The following NPHS2 variants were observed in gnomAD, a reference collection of about 807,000 sequenced individuals.
NPHS2 encodes podocin.
Under a neutral mutation model 37.1 loss-of-function variants are expected in NPHS2, and 36 were observed. The observed-to-expected ratio is 0.97, with a 90% CI of 0.74 to 1.28. NPHS2 has a LOEUF of 1.28. Among genes scored for constraint, NPHS2 ranks in the 50% most tolerant of loss-of-function variants. NPHS2 has a pLI of 0.00. For synonymous variants in NPHS2, 196 were observed against 189.3 expected (o/e 1.04, Z -0.29); for missense variants, 447 against 488.1 (o/e 0.92, Z 0.79).
chr1:179,568,203 G>C (rs10913819), intron 1 of NPHS2, among the ~76,000 whole-genome samples: 39,077 of 151,978 alleles, frequency 0.26, 6,451 homozygotes, highest in African/African-American at 0.47. Flanking sequence ...TTGGTTGGTA[G>C]GCTATTATTT....
chr1:179,564,779 C>T lies in NPHS2; in HGVS notation c.289G>A (p.Gly97Ser), dbSNP rs200913299. The T allele has an allele frequency of 6.8e-5, 110 of 1,613,710 alleles. No homozygotes were observed. Among genetic ancestry groups the T allele is most frequent in the African/African-American group, 8.0e-5 (6 of 74,870 alleles). ...AGAAGCCACTCACAGGCCCCTAAGC[C>T]GGAGGATTTGGTACCTTAAAAAAAT... is the stretch of plus-strand genomic sequence containing the variant. ...ERPEEGTKSSGLGACEWLLVL... is the reference protein window; with the variant it reads ...ERPEEGTKSSSLGACEWLLVL... Residue 97 changes from glycine (G) to serine (S), a missense_variant, in exon 2 of 8, where the codon GGC (glycine) becomes AGC (serine). Gly to Ser is a moderately conservative substitution (Grantham distance 56, BLOSUM62 0). Transcript: ENST00000367615.
At chr1:179,574,202 C>T (rs1674671439) in intron 1 of NPHS2, among the ~76,000 whole-genome samples, 1 of 152,116 alleles carries the variant, frequency 6.6e-6, no homozygotes, top group African/African-American at 2.4e-5. Flanking sequence ...GTGCCCAAGG[C>T]CACAGCTATA....
chr1:179,564,645 G>A (rs1674266876), intron 2 of NPHS2, 45 bp downstream of exon 2: 1 of 1,490,396 alleles, frequency 6.7e-7, no homozygotes. Flanking sequence ...TGTGGCCAGT[G>A]AGAGGCCTCA....
At position 179,552,620 on chromosome 1, in the gene NPHS2, T is replaced by G. The variant is rs1479036867; in HGVS notation, c.856A>C (p.Arg286=). Residue 286 remains arginine (R), a synonymous_variant, in exon 7 of 8, where the codon AGA becomes CGA. Coordinates refer to ENST00000367615, the MANE Select transcript of NPHS2 (RefSeq NM_014625.4). Reference sequence around the variant, plus strand: ...GTGCTCACCCGCACTTTGGCTTGTCTTTGCGCTTCAGCCTCCACAGCCAGT... The same window carrying G: ...GTGCTCACCCGCACTTTGGCTTGTCGTTGCGCTTCAGCCTCCACAGCCAGT... ...HSLAVEAEAQ[R]QAKVRMIAAE... The G allele has an allele frequency of 1.2e-6, 2 of 1,613,384 alleles. No individual in the cohort carries two copies. Among genetic ancestry groups the G allele is most frequent in the East Asian group, 2.2e-5 (1 of 44,878 alleles).
intron 1 of NPHS2, 38 bp from the exon 2 acceptor site, chr1:179,564,831 A>G: frequency 6.6e-7 from 1 of 1,508,656 alleles, no homozygotes. Context: ...TTATATTGAA[A>G]CTTCACTGTA....
chr1:179,553,139 C>A (rs894408455), intron 6 of NPHS2, among the ~76,000 whole-genome samples: 2 of 152,154 alleles, frequency 1.3e-5, no homozygotes, highest in Non-Finnish European at 2.9e-5. Flanking sequence ...ATAAAAGGTA[C>A]AAAATTGTCT....
rs869025495 is a variant in NPHS2, at chr1:179,564,715, G to A, written c.353C>T (p.Pro118Leu). ...CTTTACGCAGAACCAGATGGAAAAA[G>A]GGAAGGTCATGATGATGAAGAGCAG... is the stretch of plus-strand genomic sequence containing the variant. ...ISLLFIIMTFPFSIWFCVKVV... is the reference protein window; with the variant it reads ...ISLLFIIMTFLFSIWFCVKVV... The change falls in exon 2 of 8, where the codon CCT (proline) becomes CTT (leucine). Residue 118 changes from proline (P) to leucine (L), a missense_variant. By Grantham distance (98) the Pro-to-Leu change is moderately conservative. Transcript: ENST00000367615. 3 of 1,614,084 alleles carry A rather than the reference G, an allele frequency of 1.9e-6. No homozygotes were observed. The highest frequency in any genetic ancestry group is 1.7e-4 in the Middle Eastern group (1 of 6,058).
In NPHS2 at chr1:179,564,810, C is replaced by T; in HGVS notation, c.275-17G>A. 6.3e-7 allele frequency: 1 copy of T among 1,590,442 alleles called. No homozygotes were observed. Among genetic ancestry groups the T allele is most frequent in the Non-Finnish European group, 8.6e-7 (1 of 1,159,166 alleles). On this transcript the variant is annotated splice_polypyrimidine_tract_variant and intron_variant, in intron 1 of 7. Coordinates refer to ENST00000367615, the MANE Select transcript of NPHS2 (RefSeq NM_014625.4). Reference sequence around the variant, plus strand: ...ATTTGGTACCTTAAAAAAATTAAAGCAAAAGAATAATTATATTGAAACTTC... The same window carrying T: ...ATTTGGTACCTTAAAAAAATTAAAGTAAAAGAATAATTATATTGAAACTTC...
intron 1 of NPHS2, among the ~76,000 whole-genome samples, chr1:179,569,328 T>TCTTTGTTGG (rs36182369): frequency 0.91 from 137,280 of 151,056 alleles, 62,520 homozygotes; most frequent in East Asian, 0.98. Context: ...TCCCTTCTGA[T>TCTTTGTTGG]CTTAAAGTCT....
chr1:179,552,508 GC>G, intron 7 of NPHS2, 94 bp downstream of exon 7: 1 of 944,410 alleles, frequency 1.1e-6, no homozygotes, highest in East Asian at 2.5e-5. Flanking sequence ...TCTGCCCAGT[GC>G]CTAATGAATG....
chr1:179,571,960 C>T (rs1403316212), intron 1 of NPHS2, among the ~76,000 whole-genome samples: 2 of 152,112 alleles, frequency 1.3e-5, no homozygotes, highest in Non-Finnish European at 2.9e-5. Context: ...CCTGTTTTTC[C>T]AGGTAGTCTG....
intron 6 of NPHS2, among the ~76,000 whole-genome samples, chr1:179,553,053 C>T (rs1036734831): frequency 4.6e-5 from 7 of 152,144 alleles, no homozygotes; most frequent in Admixed American, 2.0e-4. Context: ...GGGAATTCAT[C>T]CAAGTTTATA....
Position 179,551,135 on chromosome 1 carries a change from G to A in NPHS2, c.*38C>T. On this transcript the variant is annotated 3_prime_UTR_variant, in exon 8 of 8. Transcript: ENST00000367615. Reference sequence around the variant, plus strand: ...TCCCTCAGGCATGTGACTTTTCTATGGCAGGCCCCTTTACAGTCACATTAT... The same window carrying A: ...TCCCTCAGGCATGTGACTTTTCTATAGCAGGCCCCTTTACAGTCACATTAT... 6.2e-7 allele frequency: 1 copy of A among 1,612,540 alleles called. No homozygotes were observed. The highest frequency in any genetic ancestry group is 8.5e-7 in the Non-Finnish European group (1 of 1,179,634).
At chr1:179,569,383 T>C (rs1674464263) in intron 1 of NPHS2, among the ~76,000 whole-genome samples, 1 of 152,210 alleles carries the variant, frequency 6.6e-6, no homozygotes, top group Non-Finnish European at 1.5e-5. Context: ...TTTTTCGCTT[T>C]CCATTTCCTT....
At chr1:179,568,694 A>C (rs1020662262) in intron 1 of NPHS2, among the ~76,000 whole-genome samples, 3 of 152,228 alleles carry the variant, frequency 2.0e-5, no homozygotes, top group Admixed American at 2.0e-4. Flanking sequence ...ATTTAGTGCT[A>C]TAAATTTTCC....
At chr1:179,557,837 G>T (rs1174459318) in intron 4 of NPHS2, among the ~76,000 whole-genome samples, 1 of 152,120 alleles carries the variant, frequency 6.6e-6, no homozygotes, top group Non-Finnish European at 1.5e-5. Flanking sequence ...TAAAGAGATA[G>T]AAGCATTTAG....
chr1:179,575,936 G>A lies in NPHS2; in HGVS notation c.-72C>T. The A allele has an allele frequency of 7.9e-7, 1 of 1,273,284 alleles. No homozygotes were observed. Among genetic ancestry groups the A allele is most frequent in the Non-Finnish European group, 1.0e-6 (1 of 1,004,104 alleles). The allele number at this position is 1,273,284 out of a possible 1,614,324, so 78.9% of individuals were successfully genotyped here. On this transcript the variant is annotated 5_prime_UTR_variant, in exon 1 of 8. Transcript: ENST00000367615. ...GGCACGGGAGCGCAGTCCCTGTGGA[G>A]TCGCTGCGGGTCCGCGTGGCGTGCC... is the stretch of plus-strand genomic sequence containing the variant.
chr1:179,564,668 T>C (rs776045413), intron 2 of NPHS2, 22 bp downstream of exon 2: 49 of 1,596,030 alleles, frequency 3.1e-5, no homozygotes, highest in Non-Finnish European at 4.1e-5. Context: ...AAATTACCTA[T>C]TGGGTCCTTA....
At chr1:179,571,465 A>G (rs1674552553) in intron 1 of NPHS2, among the ~76,000 whole-genome samples, 1 of 152,118 alleles carries the variant, frequency 6.6e-6, no homozygotes, top group Non-Finnish European at 1.5e-5. Flanking sequence ...GCAGCCGCCT[A>G]TATGAGGTGT....
Sources: allele counts gnomAD v4.1 joint callset (sites outside exome capture counted in the v4.1 genomes callset), GRCh38; gene constraint gnomAD v4.1.1; transcripts MANE v1.5; gene names NCBI Gene and HGNC (gene_info 2026-07-23, HGNC 2026-07-21).